LMTK3: variants seen among roughly 807,000 people sequenced by gnomAD.
LMTK3 encodes the protein serine/threonine-protein kinase LMTK3.
In LMTK3, 27 loss-of-function variants were observed where a neutral mutation model predicts 116.7. The observed-to-expected ratio is 0.23, with a 90% CI of 0.17 to 0.32. LMTK3 has a LOEUF of 0.32. Ranked by LOEUF, LMTK3 falls within the 10% of genes least tolerant of loss-of-function variation. The pLI is 1.00. For missense variants in LMTK3, 1,764 were observed against 2,068.5 expected (o/e 0.85, Z 2.86); for synonymous variants, 965 against 971.0 (o/e 0.99, Z 0.11).
chr19:48,510,179 G>A lies in LMTK3; in HGVS notation c.211-6C>T, dbSNP rs749537313. 8.7e-6 allele frequency: 14 copies of A among 1,609,168 alleles called. No individual in the cohort carries two copies. The highest frequency in any genetic ancestry group is 1.6e-4 in the Middle Eastern group (1 of 6,068). ...CCTTCAGGGTTCTCAAATTCCTGGG[G>A]CCAGGAGAGGAGAAGAGGGGTGGGA... On this transcript the variant is annotated splice_polypyrimidine_tract_variant and splice_region_variant and intron_variant, in intron 2 of 14. Coordinates refer to ENST00000600059, the MANE Select transcript of LMTK3 (RefSeq NM_001388485.1).
In LMTK3 at chr19:48,494,171, T is replaced by A; in HGVS notation, c.3677-62A>T. 1 of 1,019,606 alleles carries A rather than the reference T, an allele frequency of 9.8e-7. No homozygotes were observed. Among genetic ancestry groups the A allele is most frequent in the Non-Finnish European group, 1.2e-6 (1 of 824,764 alleles). 63.2% of individuals were successfully genotyped at this position (1,019,606 alleles called of 1,614,324 possible). ...TGAAACTGAGGCAGGCCCTCCCACC[T>A]AGCTGTGTGGCCTCAGATAAGACCC... is the stretch of plus-strand genomic sequence containing the variant. On this transcript the variant is annotated intron_variant, in intron 11 of 14. Coordinates refer to ENST00000600059, the MANE Select transcript of LMTK3 (RefSeq NM_001388485.1). This position sits in a 1 kb window ranked among gnomAD's most constrained non-coding sequence, Gnocchi z 4.0.
At chr19:48,512,256 G>A (rs1275986869), upstream of LMTK3, among the ~76,000 whole-genome samples, 1 of 152,102 alleles carries the variant, frequency 6.6e-6, no homozygotes, top group Non-Finnish European at 1.5e-5. Flanking sequence ...ACACGTACAC[G>A]TCACACACAA....
At chr19:48,487,052 T>A (rs1166705454) in intron 14 of LMTK3, among the ~76,000 whole-genome samples, 34 of 144,740 alleles carry the variant, frequency 2.3e-4, no homozygotes, top group African/African-American at 8.9e-4. Flanking sequence ...TTTTTTTTTT[T>A]AAGACAGAGT....
chr19:48,510,254 C>G lies in LMTK3; in HGVS notation c.211-81G>C, dbSNP rs1972633945. On this transcript the variant is annotated intron_variant, in intron 2 of 14. Coordinates refer to ENST00000600059, the MANE Select transcript of LMTK3 (RefSeq NM_001388485.1). Reference sequence around the variant, plus strand: ...ATCGTCTTTCTCTTAAGTTTGTCTCCCCTTCATTTTTGTAACTGTCTCCCA... The same window carrying G: ...ATCGTCTTTCTCTTAAGTTTGTCTCGCCTTCATTTTTGTAACTGTCTCCCA... The G allele has an allele frequency of 5.9e-6, 9 of 1,514,682 alleles. No homozygotes were observed. In the South Asian group the frequency reaches 1.1e-4, roughly 18 times the overall value. 93.8% of individuals were successfully genotyped at this position (1,514,682 alleles called of 1,614,324 possible).
intron 14 of LMTK3, among the ~76,000 whole-genome samples, chr19:48,486,833 G>A (rs754501339): frequency 1.2e-4 from 18 of 151,740 alleles, no homozygotes; most frequent in South Asian, 2.1e-4. Context: ...CACTGAGCCC[G>A]GCCGAACCTG....
chr19:48,495,900 G>A (rs1364366844), intron 11 of LMTK3, among the ~76,000 whole-genome samples: 2 of 152,182 alleles, frequency 1.3e-5, no homozygotes, highest in African/African-American at 2.4e-5. Flanking sequence ...AATACTTCCT[G>A]CATTCCTACC....
chr19:48,503,337 C>T (rs1476126416), intron 5 of LMTK3, among the ~76,000 whole-genome samples: 4 of 152,122 alleles, frequency 2.6e-5, no homozygotes, highest in South Asian at 2.1e-4. Flanking sequence ...CGTGAACCAC[C>T]GCACCCGGCC....
chr19:48,487,287 C>T (rs1282594323), intron 14 of LMTK3, among the ~76,000 whole-genome samples: 1 of 152,094 alleles, frequency 6.6e-6, no homozygotes, highest in African/African-American at 2.4e-5. Context: ...CCTGCCTCGG[C>T]CTCCCAAAGT....
chr19:48,510,290 A>G (rs1395337105), intron 2 of LMTK3, 117 bp from the exon 3 acceptor site: 44 of 1,414,426 alleles, frequency 3.1e-5, no homozygotes, highest in Non-Finnish European at 3.7e-5. Context: ...GTCCCAGCCC[A>G]ATTTCCATCC....
chr19:48,497,329 C>G lies in LMTK3; in HGVS notation c.3676+64G>C. 7.2e-7 allele frequency: 1 copy of G among 1,396,938 alleles called. No homozygotes were observed. Among genetic ancestry groups the G allele is most frequent in the Non-Finnish European group, 9.4e-7 (1 of 1,067,760 alleles). The allele number at this position is 1,396,938 out of a possible 1,614,324, so 86.5% of individuals were successfully genotyped here. ...CCGACCCGACATGTTTACCCACACT[C>G]ACCCTCCGCACGCCTCGGAAACAGC... On this transcript the variant is annotated intron_variant, in intron 11 of 14. Coordinates refer to ENST00000600059, the MANE Select transcript of LMTK3 (RefSeq NM_001388485.1). This position sits in a 1 kb window ranked among gnomAD's most constrained non-coding sequence, Gnocchi z 5.7.
intron 7 of LMTK3, 108 bp downstream of exon 7, chr19:48,502,321 ATTTT>A: frequency 3.9e-6 from 5 of 1,297,738 alleles, no homozygotes; most frequent in Non-Finnish European, 4.2e-6. Context: ...GTTCGTCCCT[ATTTT>A]GTGTCAGCCA....
chr19:48,505,101 C>CT (rs1972542812), intron 5 of LMTK3, among the ~76,000 whole-genome samples: 3 of 83,856 alleles, frequency 3.6e-5, no homozygotes, highest in South Asian at 7.6e-4. Flanking sequence ...CTCTCTCTCT[C>CT]TCTTTTTTTT....
chr19:48,507,707 C>T (rs1472884086), intron 5 of LMTK3, among the ~76,000 whole-genome samples: 1 of 152,160 alleles, frequency 6.6e-6, no homozygotes, highest in Non-Finnish European at 1.5e-5. Flanking sequence ...AATTTCTGGC[C>T]TCAAGTGATC....
In LMTK3 at chr19:48,511,598, G is replaced by A. The variant is rs1201545122; in HGVS notation, c.-22C>T. Reference sequence around the variant, plus strand: ...GCATCTTGTCGAGGATGGCAGGGAGGTGGAGGTGGTGGCGGCTGGGGAGGA... The same window carrying A: ...GCATCTTGTCGAGGATGGCAGGGAGATGGAGGTGGTGGCGGCTGGGGAGGA... On this transcript the variant is annotated 5_prime_UTR_variant, in exon 1 of 15. Coordinates refer to ENST00000600059, the MANE Select transcript of LMTK3 (RefSeq NM_001388485.1). 3 of 1,230,958 alleles carry A rather than the reference G, an allele frequency of 2.4e-6. No homozygotes were observed. 76.3% of individuals were successfully genotyped at this position (1,230,958 alleles called of 1,614,324 possible).
Position 48,497,778 on chromosome 19 carries a change from C to G in LMTK3, c.3291G>C (p.Gly1097=), listed in dbSNP as rs1440829690. 5.1e-6 allele frequency: 7 copies of G among 1,376,228 alleles called. No individual in the cohort carries two copies. Among genetic ancestry groups the G allele is most frequent in the Non-Finnish European group, 6.5e-6 (7 of 1,070,716 alleles). The allele number at this position is 1,376,228 out of a possible 1,614,324, so 85.3% of individuals were successfully genotyped here. A position where few individuals can be genotyped will look rare whatever the true frequency, so the allele number is the denominator to read the frequency against. ...TCCCAGCCCCTGGGGCTCTCGGCGC[C>G]CCCCCAGTCTCGGGGGCTCTCCTCT... ...GTERRAPETG[G]APRAPGAGRL... The change falls in exon 11 of 15, where the codon GGG becomes GGC. Residue 1097 remains glycine (G), a synonymous_variant. Transcript: ENST00000600059. The surrounding 1 kb of genome is among the most constrained non-coding windows in gnomAD (Gnocchi z 5.7).
Position 48,497,667 on chromosome 19 carries a change from C to T in LMTK3, c.3402G>A (p.Lys1134=). Residue 1134 remains lysine (K), a synonymous_variant, in exon 11 of 15, where the codon AAG becomes AAA. Transcript: ENST00000600059. This position sits in a 1 kb window ranked among gnomAD's most constrained non-coding sequence, Gnocchi z 5.7. ...GCCTCGTGTTGTCTACCCATCCGGCCTTTGCGTCCACGCCGCTTCCGGGGC... is the reference window on the plus strand; with the variant it reads ...GCCTCGTGTTGTCTACCCATCCGGCTTTTGCGTCCACGCCGCTTCCGGGGC... The part of the protein sequence containing the change: ...GGGPGSGVDA[K]AGWVDNTRPQ... 2 of 1,320,262 alleles carry T rather than the reference C, an allele frequency of 1.5e-6. No homozygotes were observed. Among genetic ancestry groups the T allele is most frequent in the Admixed American group, 3.8e-5 (1 of 26,498 alleles). 81.8% of individuals were successfully genotyped at this position (1,320,262 alleles called of 1,614,324 possible). A position where few individuals can be genotyped will look rare whatever the true frequency, so the allele number is the denominator to read the frequency against.
At position 48,493,881 on chromosome 19, in the gene LMTK3, C is replaced by A. The variant is rs1014068524; in HGVS notation, c.3905G>T (p.Gly1302Val). 30 of 1,095,662 alleles carry A rather than the reference C, an allele frequency of 2.7e-5. No homozygotes were observed. In the African/African-American group the frequency reaches 4.5e-4, roughly 17 times the overall value. 67.9% of individuals were successfully genotyped at this position (1,095,662 alleles called of 1,614,324 possible). A position where few individuals can be genotyped will look rare whatever the true frequency, so the allele number is the denominator to read the frequency against. ...AAPGAAAGPR[G>V]PGRARAAPVP... ...CGGGGCTGCTCGCGCCCTCCCGGGG[C>A]CCCGCGGCCCCGCCGCCGCGCCCGG... Residue 1302 changes from glycine (G) to valine (V), a missense_variant, in exon 12 of 15, where the codon GGC (glycine) becomes GTC (valine). Physicochemically the swap from Gly to Val is moderately radical, Grantham distance 109. Transcript: ENST00000600059.
In LMTK3 at chr19:48,498,987, G is replaced by T; in HGVS notation, c.2082C>A (p.Gly694=). Residue 694 remains glycine, a synonymous_variant, in exon 11 of 15, where the codon GGC becomes GGA. Coordinates refer to ENST00000600059, the MANE Select transcript of LMTK3 (RefSeq NM_001388485.1). ...ERGDAVAGWG[G]HPALGCPHPP... is the part of the protein sequence containing the mutation. ...GGTGGGGGCAGCCAAGAGCAGGGTGGCCTCCCCAGCCTGCTACGGCGTCCC... is the reference window on the plus strand; with the variant it reads ...GGTGGGGGCAGCCAAGAGCAGGGTGTCCTCCCCAGCCTGCTACGGCGTCCC... The T allele has an allele frequency of 2.2e-6, 3 of 1,373,160 alleles. No homozygotes were observed. The highest frequency in any genetic ancestry group is 2.8e-6 in the Non-Finnish European group (3 of 1,063,620). The allele number at this position is 1,373,160 out of a possible 1,614,324, so 85.1% of individuals were successfully genotyped here.
intron 5 of LMTK3, among the ~76,000 whole-genome samples, chr19:48,508,514 A>G (rs1178327948): frequency 6.6e-6 from 1 of 152,068 alleles, no homozygotes; most frequent in Non-Finnish European, 1.5e-5. Context: ...GGTACCCAAC[A>G]TTGGACATGG....
Sources: gnomAD v4.1 joint callset for allele counts (sites outside exome capture counted in the v4.1 genomes callset) on GRCh38, gnomAD v4.1.1 for gene constraint, Gnocchi (gnomAD v3.1) non-coding constraint, MANE v1.5 for transcripts, NCBI Gene and HGNC (gene_info 2026-07-23, HGNC 2026-07-21) for gene names.